PRELID2: variants seen among roughly 807,000 people sequenced by gnomAD.
PRELID2 encodes the protein PRELI domain containing 2.
A neutral mutation model predicts 28.4 loss-of-function variants in PRELID2; 25 were observed. The ratio of observed to expected loss-of-function variants is 0.88; its 90% CI spans 0.64 to 1.23. The LOEUF (loss-of-function observed/expected upper bound fraction) is 1.23. Among genes scored for constraint, PRELID2 ranks in the 50% most tolerant of loss-of-function variants. The pLI is 0.00. For missense variants in PRELID2, 201 were observed against 214.4 expected, an observed-to-expected ratio of 0.94 and a Z score of 0.39; for synonymous variants, 76 against 71.6, an observed-to-expected ratio of 1.06 and a Z score of -0.31.
At chr5:145,229,744 A>G in the PRELID2 span, 7 of 753,044 alleles carry the variant, frequency 9.3e-6, no homozygotes, top group Admixed American at 3.4e-5. Flanking sequence ...CACAAAACCA[A>G]TCAAGGCCTG....
the PRELID2 span, among the ~76,000 whole-genome samples, chr5:145,358,566 C>G: frequency 4.6e-5 from 7 of 152,110 alleles, no homozygotes; most frequent in African/African-American, 1.4e-4. Flanking sequence ...TGCTAGCCCA[C>G]TTTAACTCTA....
chr5:145,567,123 T>C (rs1238120405), intron 1 of PRELID2, among the ~76,000 whole-genome samples: 1 of 152,102 alleles, frequency 6.6e-6, no homozygotes, highest in Non-Finnish European at 1.5e-5. Flanking sequence ...TATCTCTTTA[T>C]TTTCCCCACC....
At chr5:145,373,088 A>C in the PRELID2 span, among the ~76,000 whole-genome samples, 2 of 54,778 alleles carry the variant, frequency 3.7e-5, no homozygotes, top group African/African-American at 1.7e-4. Flanking sequence ...CAACATATAT[A>C]ATATATATGA....
chr5:145,463,285 T>C, the PRELID2 span, among the ~76,000 whole-genome samples: 1 of 151,884 alleles, frequency 6.6e-6, no homozygotes, highest in African/African-American at 2.4e-5. Context: ...TTAATCTTTT[T>C]TAAGTTTCAA....
At chr5:145,376,415 T>C in the PRELID2 span, among the ~76,000 whole-genome samples, 1 of 152,190 alleles carries the variant, frequency 6.6e-6, no homozygotes, top group Non-Finnish European at 1.5e-5. Context: ...CCTCATAGAA[T>C]GAGGTGGGGA....
intron 5 of PRELID2, among the ~76,000 whole-genome samples, chr5:145,794,419 GAAGTTCGTGATGCTAGGTAGGC>G (rs1344857318): frequency 2.0e-5 from 3 of 152,170 alleles, no homozygotes; most frequent in African/African-American, 7.2e-5. Context: ...AAGTATTAGT[GAAGTTCGTGATGCTAGGTAGGC>G]AAGGATTTCA....
At chr5:145,771,239 T>G (rs1362830091) in intron 5 of PRELID2, among the ~76,000 whole-genome samples, 1 of 152,142 alleles carries the variant, frequency 6.6e-6, no homozygotes, top group East Asian at 1.9e-4. Context: ...GTACAGTACA[T>G]GAGTACAGAT....
At chr5:145,504,918 C>G (rs977839418) in intron 1 of PRELID2, among the ~76,000 whole-genome samples, 1 of 152,118 alleles carries the variant, frequency 6.6e-6, no homozygotes, top group Non-Finnish European at 1.5e-5. Flanking sequence ...CCAATATATT[C>G]TTGTTCACTT....
intron 1 of PRELID2, among the ~76,000 whole-genome samples, chr5:145,664,501 G>C (rs144182496): frequency 6.4e-4 from 98 of 152,174 alleles, no homozygotes; most frequent in African/African-American, 2.1e-3. Flanking sequence ...TGACTCTAAA[G>C]ATCCTTTATC....
chr5:145,799,326 C>CT (rs1312118624), intron 4 of PRELID2, among the ~76,000 whole-genome samples: 11 of 151,694 alleles, frequency 7.3e-5, no homozygotes, highest in African/African-American at 2.7e-4. Flanking sequence ...TAAACAAAAG[C>CT]TAAGGCAGCT....
At chr5:145,687,860 T>C (rs897333236) in intron 1 of PRELID2, among the ~76,000 whole-genome samples, 11 of 152,216 alleles carry the variant, frequency 7.2e-5, no homozygotes, top group African/African-American at 2.4e-4. Context: ...GTGCTATTAG[T>C]CCCATTTTAC....
At chr5:145,588,303 G>A (rs958128748) in intron 1 of PRELID2, among the ~76,000 whole-genome samples, 8 of 152,064 alleles carry the variant, frequency 5.3e-5, no homozygotes, top group Non-Finnish European at 1.0e-4. Flanking sequence ...GACTGTTCAC[G>A]TTGCCCTAAT....
the PRELID2 span, among the ~76,000 whole-genome samples, chr5:145,417,309 T>C: frequency 6.6e-6 from 1 of 152,160 alleles, no homozygotes; most frequent in African/African-American, 2.4e-5. Flanking sequence ...AGCTGAATTC[T>C]ACCAAAGGTA....
At chr5:145,282,117 T>C in the PRELID2 span, among the ~76,000 whole-genome samples, 1,569 of 152,304 alleles carry the variant, frequency 0.01, 27 homozygotes, top group African/African-American at 0.036. Flanking sequence ...CCAGTGTGTT[T>C]AGTATATTGT....
intron 1 of PRELID2, among the ~76,000 whole-genome samples, chr5:145,638,409 A>T (rs74697887): frequency 0.082 from 12,343 of 151,136 alleles, 695 homozygotes; most frequent in Admixed American, 0.19. Context: ...ACACACAGTC[A>T]CCCTCAACTC....
At chr5:145,702,084 CATAT>C (rs571336179) in intron 1 of PRELID2, among the ~76,000 whole-genome samples, 2 of 151,566 alleles carry the variant, frequency 1.3e-5, no homozygotes, top group Admixed American at 6.6e-5. Flanking sequence ...CACACACACA[CATAT>C]ATATATATTT....
At chr5:145,419,604 G>C in the PRELID2 span, among the ~76,000 whole-genome samples, 246 of 148,452 alleles carry the variant, frequency 1.7e-3, 3 homozygotes, top group East Asian at 0.039. Context: ...AAATTTGTTT[G>C]AGTTCATTGT....
At chr5:145,542,639 T>C (rs1752752856) in intron 1 of PRELID2, among the ~76,000 whole-genome samples, 1 of 152,166 alleles carries the variant, frequency 6.6e-6, no homozygotes, top group South Asian at 2.1e-4. Flanking sequence ...GAAAGCAGTA[T>C]GCTAGACAAT....
At chr5:145,482,773 C>T (rs529843945) in intron 1 of PRELID2, among the ~76,000 whole-genome samples, 15 of 151,756 alleles carry the variant, frequency 9.9e-5, no homozygotes, top group South Asian at 6.3e-4. Flanking sequence ...AACTAGATGG[C>T]CCCATCTGGG....
Sources: gnomAD v4.1 joint callset for allele counts (sites outside exome capture counted in the v4.1 genomes callset) on GRCh38, gnomAD v4.1.1 for gene constraint, MANE v1.5 for transcripts, NCBI Gene and HGNC (gene_info 2026-07-23, HGNC 2026-07-21) for gene names.